The following CACNA1C variants were observed in gnomAD, a reference collection of about 807,000 sequenced individuals.
CACNA1C encodes voltage-dependent L-type calcium channel subunit alpha-1C.
A neutral mutation model predicts 229.0 loss-of-function variants in CACNA1C; 30 were observed. The ratio of observed to expected loss-of-function variants is 0.13; its 90% CI spans 0.10 to 0.18. The LOEUF (loss-of-function observed/expected upper bound fraction) is 0.18, where lower values mean the gene tolerates loss of function less well. CACNA1C is among the 10% of genes least tolerant of loss of function. The pLI, the probability that CACNA1C is intolerant of heterozygous loss-of-function variation, is 1.00. For synonymous variants in CACNA1C, 1,114 were observed against 1,132.5 expected (o/e 0.98, Z 0.33); for missense variants, 1,658 against 2,845.0 (o/e 0.58, Z 9.49).
chr12:2,136,005 C>T (rs549003375), intron 3 of CACNA1C, among the ~76,000 whole-genome samples: 2 of 150,566 alleles, frequency 1.3e-5, no homozygotes, highest in Admixed American at 1.3e-4. Context: ...GATATAGTCT[C>T]GTGGTGCGCC....
At chr12:2,157,314 C>A (rs1409926343) in intron 3 of CACNA1C, among the ~76,000 whole-genome samples, 1 of 152,180 alleles carries the variant, frequency 6.6e-6, no homozygotes, top group Non-Finnish European at 1.5e-5. Context: ...CCTCAGACCC[C>A]TACTCCTATT....
chr12:2,520,869 C>A (rs2099808323), intron 9 of CACNA1C, among the ~76,000 whole-genome samples: 1 of 152,166 alleles, frequency 6.6e-6, no homozygotes, highest in African/African-American at 2.4e-5. Flanking sequence ...TGACCAATGG[C>A]CGTGTGCTTC....
intron 1 of CACNA1C, among the ~76,000 whole-genome samples, chr12:2,074,482 C>T (rs912752987): frequency 2.6e-4 from 39 of 152,160 alleles, no homozygotes; most frequent in African/African-American, 9.4e-4. Flanking sequence ...AATGGCAAGT[C>T]TGAGCAGGTG....
Position 2,493,371 on chromosome 12 carries a change from G to A in CACNA1C, c.1098G>A (p.Thr366=), listed in dbSNP as rs372622798. ...AGTGCATCACCATGGAGGGCTGGAC[G>A]GACGTGCTGTACTGGGTACGTAGCA... The part of the protein sequence containing the change: ...VFQCITMEGW[T]DVLYWVNDAV... Residue 366 remains threonine (T), a synonymous_variant, in exon 7 of 47, where the codon ACG becomes ACA. Coordinates refer to ENST00000399655, the MANE Select transcript of CACNA1C (RefSeq NM_000719.7). This position sits in a 1 kb window ranked among gnomAD's most constrained non-coding sequence, Gnocchi z 4.6. The A allele has an allele frequency of 9.9e-6, 16 of 1,613,774 alleles. No homozygotes were observed. The highest frequency in any genetic ancestry group is 6.7e-5 in the East Asian group (3 of 44,888).
rs2076612737 is a variant in CACNA1C, at chr12:2,254,348, G to A, written c.477+133918G>A. ...TAGGCTGAGTCTTATCTTCTCAACC[G>A]CCAGTTGTCTGTAGTGGCCCTTCCA... On this transcript the variant is annotated intron_variant, in intron 3 of 46. Coordinates refer to ENST00000399655, the MANE Select transcript of CACNA1C (RefSeq NM_000719.7). 3.3e-5 allele frequency among the ~76,000 whole-genome samples: 5 copies of A among 152,116 alleles called. No homozygotes were observed. In the South Asian group the frequency reaches 8.3e-4, roughly 25 times the overall value.
intron 3 of CACNA1C, among the ~76,000 whole-genome samples, chr12:2,416,396 AAG>A (rs900315091): frequency 3.3e-5 from 5 of 152,128 alleles, no homozygotes; most frequent in African/African-American, 9.7e-5. Flanking sequence ...GAGGGAGGAA[AAG>A]AGAGGGGAAG....
At chr12:2,050,523 A>G (rs896730548), upstream of CACNA1C, among the ~76,000 whole-genome samples, 1 of 152,232 alleles carries the variant, frequency 6.6e-6, no homozygotes, top group Non-Finnish European at 1.5e-5. Flanking sequence ...CAATTTTACT[A>G]TTCATTTAAA....
intron 3 of CACNA1C, among the ~76,000 whole-genome samples, chr12:2,406,295 T>C (rs1318725867): frequency 1.3e-5 from 2 of 152,236 alleles, no homozygotes; most frequent in East Asian, 1.9e-4. Context: ...TGTAGGTTTA[T>C]GTCTTTTGCT....
chr12:2,230,615 C>G (rs565453962), intron 3 of CACNA1C, among the ~76,000 whole-genome samples: 56 of 152,344 alleles, frequency 3.7e-4, no homozygotes, highest in Non-Finnish European at 6.3e-4. Context: ...CCGGGCTCTT[C>G]CCGCGCCTGA....
chr12:1,979,552 T>G (rs902174875), intron 1 of CACNA1C, among the ~76,000 whole-genome samples: 6 of 152,204 alleles, frequency 3.9e-5, no homozygotes, highest in African/African-American at 1.2e-4. Context: ...CCTCAAGTGA[T>G]CCGCCCGCCT....
Position 2,067,487 on chromosome 12 carries a change from CGT to C in CACNA1C, c.49+13880_49+13881del, listed in dbSNP as rs1555107894. On this transcript the variant is annotated intron_variant, in intron 1 of 46. Transcript: ENST00000399655. The surrounding 1 kb of genome is among the most constrained non-coding windows in gnomAD (Gnocchi z 5.3). Reference sequence around the variant, plus strand: ...GTGTGTGTGTGTGTGTGTGTGCGCGCGTGTGCGTGCCTGTATGTAAGGGCAGG... The same window carrying C: ...GTGTGTGTGTGTGTGTGTGTGCGCGCGTGCGTGCCTGTATGTAAGGGCAGG... Among the ~76,000 whole-genome samples the C allele has an allele frequency of 3.8e-5, 2 of 52,944 alleles. No homozygotes were observed. The highest frequency in any genetic ancestry group is 5.2e-5 in the African/African-American group (1 of 19,270). The allele number at this position is 52,944 out of a possible 152,430, so 34.7% of individuals were successfully genotyped here.
Position 2,679,347 on chromosome 12 carries a change from C to A in CACNA1C, c.5092-97C>A, listed in dbSNP as rs2097004053. ...CCCGAAAGAAGGCAGCCCGCCTTCC[C>A]AGGCCCTGCACTTCCCTGACCTGGC... On this transcript the variant is annotated intron_variant, in intron 41 of 46. Coordinates refer to ENST00000399655, the MANE Select transcript of CACNA1C (RefSeq NM_000719.7). This position sits in a 1 kb window ranked among gnomAD's most constrained non-coding sequence, Gnocchi z 5.5. 1.1e-6 allele frequency: 1 copy of A among 931,534 alleles called. No homozygotes were observed. The highest frequency in any genetic ancestry group is 2.7e-5 in the East Asian group (1 of 37,734). The allele number at this position is 931,534 out of a possible 1,614,324, so 57.7% of individuals were successfully genotyped here. A position where few individuals can be genotyped will look rare whatever the true frequency, so the allele number is the denominator to read the frequency against.
chr12:2,667,761 C>G (rs1420130372), intron 37 of CACNA1C, among the ~76,000 whole-genome samples: 1 of 152,132 alleles, frequency 6.6e-6, no homozygotes, highest in Non-Finnish European at 1.5e-5. Flanking sequence ...ACAGTTCACA[C>G]CGTCCATGAG....
intron 18 of CACNA1C, among the ~76,000 whole-genome samples, chr12:2,588,442 A>G (rs978486932): frequency 6.6e-6 from 1 of 152,116 alleles, no homozygotes; most frequent in Admixed American, 6.5e-5. Context: ...CCTGTCTCCT[A>G]GGCTTGCCCC....
intron 1 of CACNA1C, among the ~76,000 whole-genome samples, chr12:1,972,400 C>T (rs2032677010): frequency 6.6e-6 from 1 of 152,096 alleles, no homozygotes; most frequent in South Asian, 2.1e-4. Context: ...ATAAATCTGA[C>T]CACATTGATG....
intron 3 of CACNA1C, among the ~76,000 whole-genome samples, chr12:2,431,568 G>T (rs561581046): frequency 1.3e-5 from 2 of 152,112 alleles, no homozygotes; most frequent in Non-Finnish European, 2.9e-5. Flanking sequence ...TAGTTAAGAC[G>T]CCAGCCTGGT....
intron 3 of CACNA1C, among the ~76,000 whole-genome samples, chr12:2,369,296 T>G (rs1301232207): frequency 7.9e-5 from 12 of 152,134 alleles, no homozygotes; most frequent in Non-Finnish European, 1.3e-4. Context: ...CATCTGTGGC[T>G]CATGAGAACC....
At chr12:2,578,672 C>T (rs1355660385) in intron 13 of CACNA1C, among the ~76,000 whole-genome samples, 1 of 152,166 alleles carries the variant, frequency 6.6e-6, no homozygotes, top group Non-Finnish European at 1.5e-5. Context: ...GAGGACTTTG[C>T]CTTGAGCCAA....
chr12:2,420,102 G>GGTGTGTGTGTGTGGGTGTGTGTGT (rs2098961096), intron 3 of CACNA1C, among the ~76,000 whole-genome samples: 1 of 125,430 alleles, frequency 8.0e-6, no homozygotes, highest in Non-Finnish European at 1.6e-5. Flanking sequence ...TAGGCAAAAT[G>GGTGTGTGTGTGTGGGTGTGTGTGT]GTGTGTGTGT....
Sources: allele counts gnomAD v4.1 joint callset (sites outside exome capture counted in the v4.1 genomes callset), GRCh38; gene constraint gnomAD v4.1.1; non-coding constraint Gnocchi (gnomAD v3.1); transcripts MANE v1.5; gene names NCBI Gene and HGNC (gene_info 2026-07-23, HGNC 2026-07-21).